The following LRRC72 variants were observed in gnomAD, a reference collection of about 807,000 sequenced individuals.
The protein encoded by LRRC72 is leucine rich repeat containing 72.
LRRC72 carries 41 observed loss-of-function variants against 35.8 expected under a neutral mutation model. The ratio of observed to expected loss-of-function variants is 1.15; its 90% CI spans 0.89 to 1.49. The LOEUF (loss-of-function observed/expected upper bound fraction) is 1.49. Ranked by LOEUF, LRRC72 falls within the 40% of genes most tolerant of loss-of-function variation. The pLI is 0.00. For missense variants in LRRC72, 389 were observed against 330.7 expected (o/e 1.18, Z -1.37); for synonymous variants, 118 against 119.2 (o/e 0.99, Z 0.07).
At chr7:16,561,249 C>T (rs916739638) in intron 5 of LRRC72, among the ~76,000 whole-genome samples, 2 of 152,062 alleles carry the variant, frequency 1.3e-5, no homozygotes, top group South Asian at 2.1e-4. Flanking sequence ...TTCTTAGAGT[C>T]GAAGGGGTCT....
At chr7:16,552,309 C>G (rs949022887) in intron 3 of LRRC72, among the ~76,000 whole-genome samples, 3 of 151,924 alleles carry the variant, frequency 2.0e-5, no homozygotes, top group Non-Finnish European at 2.9e-5. Flanking sequence ...AAAGAAATAC[C>G]CTGAGATGGC....
intron 7 of LRRC72, among the ~76,000 whole-genome samples, chr7:16,574,964 ACTTAG>A (rs896589308): frequency 1.3e-5 from 2 of 152,046 alleles, no homozygotes; most frequent in African/African-American, 4.8e-5. Flanking sequence ...AAAAACACAA[ACTTAG>A]CCAGGCATGA....
At chr7:16,566,658 C>T (rs1782849872) in intron 6 of LRRC72, among the ~76,000 whole-genome samples, 1 of 152,112 alleles carries the variant, frequency 6.6e-6, no homozygotes, top group Non-Finnish European at 1.5e-5. Flanking sequence ...AGTATTCCTT[C>T]TGGTCCTGGT....
In LRRC72 at chr7:16,567,562, A is replaced by C. The variant is rs1782870600; in HGVS notation, c.670+19A>C. 7.1e-7 allele frequency: 1 copy of C among 1,418,074 alleles called. No homozygotes were observed. The allele number at this position is 1,418,074 out of a possible 1,614,324, so 87.8% of individuals were successfully genotyped here. ...CCTTCAGGTATTTCGTAAAAAAAAA[A>C]AAAAAAACAAATTTAATGAAATTAA... On this transcript the variant is annotated intron_variant, in intron 7 of 8. Transcript: ENST00000401542.
At chr7:16,542,855 A>G (rs1363835573) in intron 3 of LRRC72, among the ~76,000 whole-genome samples, 1 of 152,112 alleles carries the variant, frequency 6.6e-6, no homozygotes, top group East Asian at 1.9e-4. Flanking sequence ...GCTTAGTGCT[A>G]TTGGGATCCT....
intron 3 of LRRC72, among the ~76,000 whole-genome samples, chr7:16,540,829 C>A (rs961761375): frequency 6.6e-6 from 1 of 151,734 alleles, no homozygotes; most frequent in Non-Finnish European, 1.5e-5. Flanking sequence ...CTTCCTGAGG[C>A]CTTCCCAGCC....
At chr7:16,558,554 G>C (rs938590524) in intron 4 of LRRC72, among the ~76,000 whole-genome samples, 10 of 152,054 alleles carry the variant, frequency 6.6e-5, no homozygotes. Flanking sequence ...AGGTTACAGT[G>C]ACCCGAGATT....
intron 3 of LRRC72, among the ~76,000 whole-genome samples, chr7:16,545,953 T>G (rs1407656598): frequency 3.9e-5 from 6 of 152,162 alleles, no homozygotes; most frequent in African/African-American, 4.8e-5. Flanking sequence ...TAAAAATAGT[T>G]ACTTTTGAAT....
At chr7:16,559,588 G>A (rs1279312568) in intron 5 of LRRC72, among the ~76,000 whole-genome samples, 1 of 152,098 alleles carries the variant, frequency 6.6e-6, no homozygotes, top group Non-Finnish European at 1.5e-5. Context: ...TCAAAAGTAA[G>A]TTTTAACACA....
intron 3 of LRRC72, among the ~76,000 whole-genome samples, chr7:16,539,016 A>G (rs1344355040): frequency 6.6e-6 from 1 of 152,228 alleles, no homozygotes; most frequent in Non-Finnish European, 1.5e-5. Flanking sequence ...GGATACTGCT[A>G]CAAAGATAAC....
chr7:16,541,661 C>T (rs1782359187), intron 3 of LRRC72, among the ~76,000 whole-genome samples: 1 of 152,190 alleles, frequency 6.6e-6, no homozygotes, highest in South Asian at 2.1e-4. Context: ...TGCCTGTAAT[C>T]CCAGCCCTTT....
chr7:16,581,315 T>G lies in LRRC72; in HGVS notation c.699-9T>G. 1 of 1,429,216 alleles carries G rather than the reference T, an allele frequency of 7.0e-7. No individual in the cohort carries two copies. Among genetic ancestry groups the G allele is most frequent in the South Asian group, 1.6e-5 (1 of 63,968 alleles). 88.5% of individuals were successfully genotyped at this position (1,429,216 alleles called of 1,614,324 possible). A position where few individuals can be genotyped will look rare whatever the true frequency, so the allele number is the denominator to read the frequency against. On this transcript the variant is annotated splice_polypyrimidine_tract_variant and intron_variant, in intron 8 of 8. Transcript: ENST00000401542. ...CTTTTTTTCTGACATAATTGCTTTTTTTTTGCAGAACTGTGCTTGATGACC... is the reference window on the plus strand; with the variant it reads ...CTTTTTTTCTGACATAATTGCTTTTGTTTTGCAGAACTGTGCTTGATGACC...
Position 16,566,321 on chromosome 7 carries a change from CA to C in LRRC72, c.440del (p.Asn147IlefsTer36). 1 of 1,535,458 alleles carries C rather than the reference CA, an allele frequency of 6.5e-7. No homozygotes were observed. Among genetic ancestry groups the C allele is most frequent in the South Asian group, 1.3e-5 (1 of 79,854 alleles). ...MLNLKILSLYQNPLCQYNLYR... is the reference protein window; with the variant it reads ...MLNLKILSLYXNPLCQYNLYR... ...GGATTCTTCATTTGCAGGTCTATAC[CA>C]AAATCCTTTGTGCCAATATAACCTG... On this transcript the variant is annotated frameshift_variant, in exon 6 of 9. Coordinates refer to ENST00000401542, the MANE Select transcript of LRRC72 (RefSeq NM_001195280.2). LOFTEE classifies it high-confidence loss of function.
intron 5 of LRRC72, among the ~76,000 whole-genome samples, chr7:16,559,953 G>A (rs1782717961): frequency 6.6e-6 from 1 of 151,294 alleles, no homozygotes; most frequent in Non-Finnish European, 1.5e-5. Flanking sequence ...CATATATATT[G>A]AATCACACCC....
At chr7:16,562,079 G>T (rs976287083) in intron 5 of LRRC72, among the ~76,000 whole-genome samples, 1 of 152,174 alleles carries the variant, frequency 6.6e-6, no homozygotes, top group Non-Finnish European at 1.5e-5. Flanking sequence ...AATTGCCAAG[G>T]ACTGCCTAGG....
intron 1 of LRRC72, 55 bp downstream of exon 1, chr7:16,527,097 G>C: frequency 7.0e-7 from 1 of 1,431,042 alleles, no homozygotes; most frequent in Non-Finnish European, 9.5e-7. Flanking sequence ...CTGCCCCAGG[G>C]CCCCACCTCC....
At chr7:16,537,862 G>T (rs1354034916) in intron 3 of LRRC72, among the ~76,000 whole-genome samples, 166 bp downstream of exon 3, 1 of 151,778 alleles carries the variant, frequency 6.6e-6, no homozygotes, top group Non-Finnish European at 1.5e-5. Flanking sequence ...TATATATTTG[G>T]TATACATACA....
chr7:16,554,656 T>C (rs1782617909), intron 3 of LRRC72, among the ~76,000 whole-genome samples: 1 of 152,170 alleles, frequency 6.6e-6, no homozygotes, highest in African/African-American at 2.4e-5. Context: ...GATCTTTTAA[T>C]AGCTCCCCAA....
chr7:16,563,552 G>A (rs1432443196), intron 5 of LRRC72, among the ~76,000 whole-genome samples: 1 of 152,314 alleles, frequency 6.6e-6, no homozygotes, highest in East Asian at 1.9e-4. Flanking sequence ...CTAAAAGAAT[G>A]TGCCCATACA....
Sources: allele counts gnomAD v4.1 joint callset (sites outside exome capture counted in the v4.1 genomes callset), GRCh38; gene constraint gnomAD v4.1.1; transcripts MANE v1.5; gene names NCBI Gene and HGNC (gene_info 2026-07-23, HGNC 2026-07-21).